Variants in ERBB4 observed in about 807,000 individuals in gnomAD.
ERBB4 encodes the protein receptor tyrosine-protein kinase erbB-4.
ERBB4 carries 42 observed loss-of-function variants against 158.0 expected under a neutral mutation model. The ratio of observed to expected loss-of-function variants is 0.27; its 90% CI spans 0.21 to 0.34. The LOEUF (loss-of-function observed/expected upper bound fraction) is 0.34. Among genes scored for constraint, ERBB4 ranks in the 10% least tolerant of loss-of-function variants. The pLI, the probability that ERBB4 is intolerant of heterozygous loss-of-function variation, is 1.00. For missense variants in ERBB4, 1,333 were observed against 1,624.1 expected (o/e 0.82, Z 3.08); for synonymous variants, 583 against 558.7 (o/e 1.04, Z -0.61).
rs2125858196 is a variant in ERBB4 at position 211,623,973 on chromosome 2, C to T, written c.2151G>A (p.Glu717=). The T allele has an allele frequency of 6.2e-7, 1 of 1,614,152 alleles. No individual in the cohort carries two copies. Among genetic ancestry groups the T allele is most frequent in the Non-Finnish European group, 8.5e-7 (1 of 1,180,022 alleles). The change falls in exon 18 of 28, where the codon GAG becomes GAA. Residue 717 remains glutamate (E), a synonymous_variant. Transcript: ENST00000342788. ...AGCCAAGGACTTTTACCCTCTTCAG[C>T]TCAGTTTCTTTCAAAATACGAAGTT... The part of the protein sequence containing the change: ...QAQLRILKET[E]LKRVKVLGSG...
At chr2:211,609,226 T>C (rs1211002362) in intron 19 of ERBB4, among the ~76,000 whole-genome samples, 2 of 152,126 alleles carry the variant, frequency 1.3e-5, no homozygotes, top group African/African-American at 2.4e-5. Context: ...CCATAAAATC[T>C]GAAAATATTC....
intron 2 of ERBB4, among the ~76,000 whole-genome samples, chr2:212,063,140 A>G (rs2077830966): frequency 6.6e-6 from 1 of 152,202 alleles, no homozygotes; most frequent in Non-Finnish European, 1.5e-5. Flanking sequence ...AACTTTTTGC[A>G]TCCAAACCAG....
At chr2:211,848,793 G>A (rs1044776339) in intron 3 of ERBB4, among the ~76,000 whole-genome samples, 4 of 151,962 alleles carry the variant, frequency 2.6e-5, no homozygotes, top group Non-Finnish European at 5.9e-5. Flanking sequence ...TATGAGGGGT[G>A]GTGGAGTGTA....
intron 22 of ERBB4, among the ~76,000 whole-genome samples, chr2:211,428,201 A>G (rs963166392): frequency 7.6e-6 from 1 of 130,784 alleles, no homozygotes; most frequent in Non-Finnish European, 1.7e-5. Flanking sequence ...CTGCATGTGT[A>G]TCGCAGAACT....
At chr2:211,616,587 C>A (rs2069401123) in intron 19 of ERBB4, among the ~76,000 whole-genome samples, 1 of 152,044 alleles carries the variant, frequency 6.6e-6, no homozygotes, top group Non-Finnish European at 1.5e-5. Context: ...AACCAATGAG[C>A]TAAAAATGTA....
At chr2:212,172,951 T>TA (rs1435309842) in intron 1 of ERBB4, among the ~76,000 whole-genome samples, 2 of 152,110 alleles carry the variant, frequency 1.3e-5, no homozygotes, top group Non-Finnish European at 2.9e-5. Context: ...TTGGAAATTT[T>TA]AAAAACAATG....
At chr2:212,400,081 G>A (rs748427525) in intron 1 of ERBB4, among the ~76,000 whole-genome samples, 21 of 152,100 alleles carry the variant, frequency 1.4e-4, no homozygotes, top group Non-Finnish European at 3.1e-4. Flanking sequence ...GAAGCTAGAA[G>A]TTATAGTGAA....
intron 15 of ERBB4, among the ~76,000 whole-genome samples, chr2:211,658,759 T>G (rs12328907): frequency 0.27 from 40,477 of 151,988 alleles, 5,975 homozygotes; most frequent in African/African-American, 0.39. Context: ...TGAGACCCAG[T>G]TAAGTAAAGA....
chr2:212,350,576 C>G (rs2089209416), intron 1 of ERBB4, among the ~76,000 whole-genome samples: 1 of 152,068 alleles, frequency 6.6e-6, no homozygotes, highest in Non-Finnish European at 1.5e-5. Context: ...ATTATATTCC[C>G]TTCATATCAG....
chr2:212,109,057 A>T (rs777186945), intron 2 of ERBB4, among the ~76,000 whole-genome samples: 1 of 152,166 alleles, frequency 6.6e-6, no homozygotes, highest in Non-Finnish European at 1.5e-5. Context: ...GAATGTTGGT[A>T]ATAATGACAA....
intron 5 of ERBB4, among the ~76,000 whole-genome samples, chr2:211,735,318 T>C (rs1351969470): frequency 6.6e-6 from 1 of 152,180 alleles, no homozygotes; most frequent in Non-Finnish European, 1.5e-5. Context: ...AAAAACTAGC[T>C]TATCCTAGGT....
chr2:211,602,310 G>T (rs969652449), intron 19 of ERBB4, among the ~76,000 whole-genome samples: 1 of 152,044 alleles, frequency 6.6e-6, no homozygotes, highest in Non-Finnish European at 1.5e-5. Flanking sequence ...CAGTGCAGGT[G>T]CTTGGACTCT....
chr2:211,493,399 C>T (rs867878659), intron 20 of ERBB4, among the ~76,000 whole-genome samples: 54 of 152,002 alleles, frequency 3.6e-4, no homozygotes, highest in Middle Eastern at 3.4e-3. Context: ...TGTAATGTTG[C>T]AATTAACATC....
chr2:211,924,748 C>T (rs559851249), intron 3 of ERBB4, among the ~76,000 whole-genome samples: 24 of 152,020 alleles, frequency 1.6e-4, no homozygotes, highest in Non-Finnish European at 2.1e-4. Flanking sequence ...GTAAGAGTCA[C>T]GTATTTATAC....
rs2079019847 is a variant in ERBB4, at chr2:211,893,420, TAA to T, written c.421+54008_421+54009del. On this transcript the variant is annotated intron_variant, in intron 3 of 27. Transcript: ENST00000342788. ...ATACAAAAATCAATTCAAGATGGAT[TAA>T]AGATTTAAACGTTAGACCTAAAACC... Among the ~76,000 whole-genome samples the T allele has an allele frequency of 2.8e-5, 4 of 141,410 alleles. No homozygotes were observed. In the South Asian group the frequency reaches 6.4e-4, roughly 23 times the overall value. The allele number at this position is 141,410 out of a possible 152,430, so 92.8% of individuals were successfully genotyped here. A position where few individuals can be genotyped will look rare whatever the true frequency, so the allele number is the denominator to read the frequency against.
intron 2 of ERBB4, among the ~76,000 whole-genome samples, chr2:212,081,102 A>T (rs928588081): frequency 6.6e-6 from 1 of 152,186 alleles, no homozygotes; most frequent in Non-Finnish European, 1.5e-5. Context: ...TCTGACATTC[A>T]TGGCTCACAG....
intron 3 of ERBB4, among the ~76,000 whole-genome samples, chr2:211,846,022 T>C (rs1415054535): frequency 6.6e-6 from 1 of 150,966 alleles, no homozygotes; most frequent in African/African-American, 2.4e-5. Context: ...TAACTGACAA[T>C]TTTTTTCAAC....
chr2:211,721,037 G>T (rs1422289137), intron 7 of ERBB4, among the ~76,000 whole-genome samples: 2 of 152,108 alleles, frequency 1.3e-5, no homozygotes. Flanking sequence ...CTGTGGGTGT[G>T]CTTCCCTTTG....
intron 20 of ERBB4, among the ~76,000 whole-genome samples, chr2:211,539,175 A>T (rs1241541874): frequency 6.6e-6 from 1 of 151,950 alleles, no homozygotes; most frequent in African/African-American, 2.4e-5. Flanking sequence ...AATCAATAAA[A>T]CATTTGACTT....
Sources: allele counts gnomAD v4.1 joint callset (sites outside exome capture counted in the v4.1 genomes callset), GRCh38; gene constraint gnomAD v4.1.1; transcripts MANE v1.5; gene names NCBI Gene and HGNC (gene_info 2026-07-23, HGNC 2026-07-21).